The following WDR25 variants were observed in gnomAD, a reference collection of about 807,000 sequenced individuals.
WDR25 encodes WD repeat domain 25.
In WDR25, 35 loss-of-function variants were observed where a neutral mutation model predicts 47.7. The observed-to-expected ratio is 0.73, with a 90% confidence interval of 0.56 to 0.97. The LOEUF (loss-of-function observed/expected upper bound fraction) is 0.97. WDR25 is among the 50% of genes least tolerant of loss of function. WDR25 has a pLI of 0.00. For missense variants in WDR25, 634 were observed against 704.7 expected, an observed-to-expected ratio of 0.90 and a Z score of 1.14; for synonymous variants, 248 against 278.9, an observed-to-expected ratio of 0.89 and a Z score of 1.10.
intron 4 of WDR25, among the ~76,000 whole-genome samples, chr14:100,497,572 C>T (rs1900775400): frequency 6.6e-6 from 1 of 152,222 alleles, no homozygotes; most frequent in African/African-American, 2.4e-5. Flanking sequence ...TCACAAGCCA[C>T]CTGCTCTTGT....
chr14:100,508,924 C>A (rs1338516408), intron 4 of WDR25, among the ~76,000 whole-genome samples: 1 of 151,924 alleles, frequency 6.6e-6, no homozygotes, highest in Non-Finnish European at 1.5e-5. Context: ...TAAACCATAT[C>A]TTTCCTATTT....
intron 2 of WDR25, among the ~76,000 whole-genome samples, chr14:100,426,792 A>AC (rs1898181889): frequency 6.6e-6 from 1 of 152,168 alleles, no homozygotes; most frequent in Non-Finnish European, 1.5e-5. Context: ...GTGCAAGGCA[A>AC]CCGGGCACAG....
chr14:100,475,334 T>C (rs565426035), intron 3 of WDR25, among the ~76,000 whole-genome samples: 10 of 152,320 alleles, frequency 6.6e-5, no homozygotes, highest in South Asian at 2.1e-4. Flanking sequence ...ACCCCCGTAT[T>C]CATTGCAGCA....
chr14:100,433,945 G>A (rs1361666161), intron 2 of WDR25, among the ~76,000 whole-genome samples: 1 of 152,018 alleles, frequency 6.6e-6, no homozygotes, highest in South Asian at 2.1e-4. Flanking sequence ...CAAGATTTTG[G>A]CCAGGCATAG....
At chr14:100,518,186 C>G (rs1034125120) in intron 4 of WDR25, among the ~76,000 whole-genome samples, 2 of 152,162 alleles carry the variant, frequency 1.3e-5, no homozygotes, top group Non-Finnish European at 2.9e-5. Context: ...GACAAATTCA[C>G]TTAGTTCTTC....
rs941877662 is a variant in WDR25, at chr14:100,424,073, A to G, written c.822+42327A>G. On this transcript the variant is annotated intron_variant, in intron 2 of 6. Coordinates refer to ENST00000402312, the MANE Select transcript of WDR25 (RefSeq NM_001161476.3). This position sits in a 1 kb window ranked among gnomAD's most constrained non-coding sequence, Gnocchi z 4.2. ...GGGACAGCCAGGTGTGCCACAGGCC[A>G]TCTCGCAGGGCCTCCCTGTACCAAC... Among the ~76,000 whole-genome samples, 3 of 152,238 alleles carry G rather than the reference A, an allele frequency of 2.0e-5. No individual in the cohort carries two copies. Among genetic ancestry groups the G allele is most frequent in the African/African-American group, 7.2e-5 (3 of 41,462 alleles).
intron 2 of WDR25, among the ~76,000 whole-genome samples, chr14:100,461,744 T>A (rs145267051): frequency 6.6e-6 from 1 of 152,226 alleles, no homozygotes; most frequent in African/African-American, 2.4e-5. Context: ...CAACAGGGAC[T>A]GTCAAGAGGT....
In WDR25 at chr14:100,452,100, C is replaced by T. The variant is rs572113844; in HGVS notation, c.823-15921C>T. Among the ~76,000 whole-genome samples, 11 of 152,264 alleles carry T rather than the reference C, an allele frequency of 7.2e-5. No homozygotes were observed. The South Asian group carries it at 1.7e-3, about 23-fold the overall frequency. On this transcript the variant is annotated intron_variant, in intron 2 of 6. Coordinates refer to ENST00000402312, the MANE Select transcript of WDR25 (RefSeq NM_001161476.3). ...CATTCCATTCATTCATCCATCCATC[C>T]GTCCATCATCCATTCATAACCCATC...
At chr14:100,527,926 G>A (rs548328412) in intron 5 of WDR25, among the ~76,000 whole-genome samples, 1 of 152,298 alleles carries the variant, frequency 6.6e-6, no homozygotes, top group South Asian at 2.1e-4. Flanking sequence ...GCTTGAGGGG[G>A]TAGTTTTTAG....
rs1222698039 is a variant in WDR25, at chr14:100,529,763, A to G, written c.1414-57A>G. ...CAGCCTGCTCCTCTGTAGAATGGGC[A>G]TACTCACCCCGGCTTGACAGGTGCG... is the stretch of plus-strand genomic sequence containing the variant. On this transcript the variant is annotated intron_variant, in intron 6 of 6. Coordinates refer to ENST00000402312, the MANE Select transcript of WDR25 (RefSeq NM_001161476.3). The surrounding 1 kb of genome is among the most constrained non-coding windows in gnomAD (Gnocchi z 5.1). 1.3e-6 allele frequency: 2 copies of G among 1,562,492 alleles called. No individual in the cohort carries two copies. The highest frequency in any genetic ancestry group is 2.3e-5 in the East Asian group (1 of 43,988).
At chr14:100,385,131 A>C (rs953108802) in intron 2 of WDR25, among the ~76,000 whole-genome samples, 1 of 152,190 alleles carries the variant, frequency 6.6e-6, no homozygotes, top group African/African-American at 2.4e-5. Context: ...GTAAGTAGCC[A>C]TGGAAGCATA....
chr14:100,410,193 G>A (rs1247159535), intron 2 of WDR25, among the ~76,000 whole-genome samples: 2 of 152,170 alleles, frequency 1.3e-5, no homozygotes, highest in African/African-American at 2.4e-5. Context: ...CGCTCCCTTC[G>A]TCAAACACGT....
At position 100,493,904 on chromosome 14, in the gene WDR25, G is replaced by A. The variant is rs370112572; in HGVS notation, c.1101+9780G>A. 8.5e-5 allele frequency among the ~76,000 whole-genome samples: 13 copies of A among 152,270 alleles called. No homozygotes were observed. In the East Asian group the frequency reaches 2.5e-3, roughly 29 times the overall value. On this transcript the variant is annotated intron_variant, in intron 4 of 6. Transcript: ENST00000402312. ...AGAGAGATGAATCTCTCTCCACCAC[G>A]TGAGGATATGGTGAGAAGACAGATG... is the stretch of plus-strand genomic sequence containing the variant.
chr14:100,502,318 G>A lies in WDR25; in HGVS notation c.1101+18194G>A, dbSNP rs1343373098. 1.3e-5 allele frequency among the ~76,000 whole-genome samples: 2 copies of A among 152,206 alleles called. No homozygotes were observed. Among genetic ancestry groups the A allele is most frequent in the African/African-American group, 4.8e-5 (2 of 41,460 alleles). ...GGGAAAGGCCTTAAGGCTCTCATGA[G>A]CCCCCCACATTCAGTGCCCTCATTC... On this transcript the variant is annotated intron_variant, in intron 4 of 6. Coordinates refer to ENST00000402312, the MANE Select transcript of WDR25 (RefSeq NM_001161476.3). This position sits in a 1 kb window ranked among gnomAD's most constrained non-coding sequence, Gnocchi z 4.5.
chr14:100,459,939 T>TATAC (rs1491515673), intron 2 of WDR25, among the ~76,000 whole-genome samples: 9 of 84,892 alleles, frequency 1.1e-4, no homozygotes, highest in South Asian at 3.9e-4. Context: ...TATATATATA[T>TATAC]ACACATACAC....
chr14:100,525,960 T>C lies in WDR25; in HGVS notation c.1192T>C (p.Ser398Pro). The C allele has an allele frequency of 6.2e-7, 1 of 1,614,070 alleles. No homozygotes were observed. ...CGAGTTCCTGAGCAGCACAGACGCT[T>C]CCACCCGGGACTCAGCTGACCGCAC... ...GSEFLSSTDA[S>P]TRDSADRTII... Residue 398 changes from serine to proline, a missense_variant, in exon 5 of 7, where the codon TCC becomes CCC. Transcript: ENST00000402312. This position sits in a 1 kb window ranked among gnomAD's most constrained non-coding sequence, Gnocchi z 4.6.
At chr14:100,431,738 C>T (rs1898344189) in intron 2 of WDR25, among the ~76,000 whole-genome samples, 1 of 148,422 alleles carries the variant, frequency 6.7e-6, no homozygotes, top group South Asian at 2.1e-4. Flanking sequence ...GAGATGGAGT[C>T]TTGCTCTGTT....
chr14:100,500,372 C>A lies in WDR25; in HGVS notation c.1101+16248C>A, dbSNP rs531409193. On this transcript the variant is annotated intron_variant, in intron 4 of 6. Coordinates refer to ENST00000402312, the MANE Select transcript of WDR25 (RefSeq NM_001161476.3). This position sits in a 1 kb window ranked among gnomAD's most constrained non-coding sequence, Gnocchi z 4.7. ...TCTCTTCTGCTCCTTCTTCCAGGGACCCGAGGAGGGTGAAGTGGCTCTGGC... is the reference window on the plus strand; with the variant it reads ...TCTCTTCTGCTCCTTCTTCCAGGGAACCGAGGAGGGTGAAGTGGCTCTGGC... Among the ~76,000 whole-genome samples, 1 of 152,258 alleles carries A rather than the reference C, an allele frequency of 6.6e-6. No homozygotes were observed. Among genetic ancestry groups the A allele is most frequent in the African/African-American group, 2.4e-5 (1 of 41,560 alleles).
At chr14:100,489,055 C>T (rs8013045) in intron 4 of WDR25, among the ~76,000 whole-genome samples, 2 of 152,296 alleles carry the variant, frequency 1.3e-5, no homozygotes, top group Non-Finnish European at 2.9e-5. Flanking sequence ...ACCCTGGGAT[C>T]GACATAGAGG....
Sources: allele counts gnomAD v4.1 joint callset (sites outside exome capture counted in the v4.1 genomes callset), GRCh38; gene constraint gnomAD v4.1.1; non-coding constraint Gnocchi (gnomAD v3.1); transcripts MANE v1.5; gene names NCBI Gene and HGNC (gene_info 2026-07-23, HGNC 2026-07-21).